CNTNAP2: variants seen among roughly 807,000 people sequenced by gnomAD.
CNTNAP2 encodes contactin associated protein 2, also known as contactin-associated protein-like 2.
A neutral mutation model predicts 155.2 loss-of-function variants in CNTNAP2; 98 were observed. The observed-to-expected ratio is 0.63, with a 90% CI of 0.54 to 0.75. CNTNAP2 has a LOEUF of 0.75. Among genes scored for constraint, CNTNAP2 ranks in the 30% least tolerant of loss-of-function variants. The probability of loss-of-function intolerance (pLI) is 0.00; values close to 1 mark genes in which losing one functional copy is unlikely to be tolerated. For missense variants in CNTNAP2, 1,727 were observed against 1,688.1 expected, an observed-to-expected ratio of 1.02 and a Z score of -0.40; for synonymous variants, 651 against 631.2, an observed-to-expected ratio of 1.03 and a Z score of -0.47.
At chr7:146,248,538 C>G (rs916336517) in intron 1 of CNTNAP2, among the ~76,000 whole-genome samples, 4 of 152,074 alleles carry the variant, frequency 2.6e-5, no homozygotes, top group African/African-American at 9.7e-5. Context: ...TCCTTTGTCT[C>G]TACCAGAAAA....
intron 13 of CNTNAP2, among the ~76,000 whole-genome samples, chr7:147,734,183 A>C (rs1351210939): frequency 2.0e-5 from 3 of 152,226 alleles, no homozygotes; most frequent in South Asian, 2.1e-4. Flanking sequence ...ATTTTGAGAT[A>C]CATCCCATCA....
At chr7:146,516,463 T>C (rs1797543047) in intron 1 of CNTNAP2, among the ~76,000 whole-genome samples, 1 of 152,012 alleles carries the variant, frequency 6.6e-6, no homozygotes, top group Non-Finnish European at 1.5e-5. Context: ...TTTCCTCATA[T>C]GGAAGTTGAA....
At chr7:147,301,590 C>G (rs868578004) in intron 9 of CNTNAP2, among the ~76,000 whole-genome samples, 2 of 111,632 alleles carry the variant, frequency 1.8e-5, no homozygotes, top group East Asian at 3.2e-4. Context: ...CTCTCTCTCT[C>G]TCTGTGTGTG....
chr7:146,241,823 TAC>T (rs927212603), intron 1 of CNTNAP2, among the ~76,000 whole-genome samples: 11 of 146,446 alleles, frequency 7.5e-5, no homozygotes, highest in African/African-American at 3.0e-4. Flanking sequence ...TATATACCTA[TAC>T]ACACACACAC....
chr7:147,212,377 T>C (rs1803168228), intron 8 of CNTNAP2, among the ~76,000 whole-genome samples: 2 of 152,124 alleles, frequency 1.3e-5, no homozygotes, highest in Non-Finnish European at 2.9e-5. Context: ...TAAAGTATGG[T>C]ACATGTACAC....
At chr7:146,925,824 A>G (rs1009039455) in intron 3 of CNTNAP2, among the ~76,000 whole-genome samples, 1 of 152,122 alleles carries the variant, frequency 6.6e-6, no homozygotes, top group African/African-American at 2.4e-5. Flanking sequence ...CTTTTGGTCA[A>G]AATCAGGGCA....
At chr7:147,020,561 G>A (rs1033035666) in intron 3 of CNTNAP2, among the ~76,000 whole-genome samples, 3 of 152,022 alleles carry the variant, frequency 2.0e-5, no homozygotes, top group African/African-American at 7.2e-5. Flanking sequence ...ATACCAGACT[G>A]CCACACTGTG....
intron 2 of CNTNAP2, among the ~76,000 whole-genome samples, chr7:146,826,738 A>G (rs1383213922): frequency 6.6e-6 from 1 of 151,934 alleles, no homozygotes; most frequent in African/African-American, 2.4e-5. Context: ...TTTTAATACA[A>G]TCCAAGGATT....
Position 147,861,999 on chromosome 7 carries a change from CAAAAAAA to C in CNTNAP2, c.2099-41548_2099-41542del, listed in dbSNP as rs57139075. Among the ~76,000 whole-genome samples the C allele has an allele frequency of 3.7e-3, 347 of 94,946 alleles. 1 individual carries two copies. Among genetic ancestry groups the C allele is most frequent in the South Asian group, 7.2e-3 (19 of 2,652 alleles). The allele number at this position is 94,946 out of a possible 152,430, so 62.3% of individuals were successfully genotyped here. A position where few individuals can be genotyped will look rare whatever the true frequency, so the allele number is the denominator to read the frequency against. On this transcript the variant is annotated intron_variant, in intron 13 of 23. Transcript: ENST00000361727. ...GGCAATAGAGTGAAACTCCATCTCA[CAAAAAAA>C]AAAAAAAAAAAAAAAAATTAAGACA... is the stretch of plus-strand genomic sequence containing the variant.
Position 146,550,401 on chromosome 7 carries a change from GTTTTTTTTTT to G in CNTNAP2, c.98-223851_98-223842del, listed in dbSNP as rs10673467. On this transcript the variant is annotated intron_variant, in intron 1 of 23. Transcript: ENST00000361727. ...TTATAGCAGTGAGGTCCATTAATCT[GTTTTTTTTTT>G]TTTTTTTTTTTTTTTTTTATAAAGT... 2.6e-4 allele frequency among the ~76,000 whole-genome samples: 14 copies of G among 54,382 alleles called. 1 individual carries two copies. Among genetic ancestry groups the G allele is most frequent in the African/African-American group, 5.0e-4 (7 of 14,076 alleles). The allele number at this position is 54,382 out of a possible 152,430, so 35.7% of individuals were successfully genotyped here.
intron 15 of CNTNAP2, among the ~76,000 whole-genome samples, chr7:148,109,939 T>G (rs1444757754): frequency 6.6e-6 from 1 of 152,198 alleles, no homozygotes; most frequent in Non-Finnish European, 1.5e-5. Flanking sequence ...TGCTAAATCA[T>G]GGAGGTTTGG....
At chr7:147,231,303 C>T (rs942156243) in intron 8 of CNTNAP2, among the ~76,000 whole-genome samples, 1 of 152,206 alleles carries the variant, frequency 6.6e-6, no homozygotes, top group African/African-American at 2.4e-5. Flanking sequence ...CTATTCAATA[C>T]AGCACATTTT....
intron 8 of CNTNAP2, among the ~76,000 whole-genome samples, chr7:147,239,546 C>T (rs1803894372): frequency 6.6e-6 from 1 of 151,124 alleles, no homozygotes; most frequent in Admixed American, 6.6e-5. Flanking sequence ...TATTGGTACG[C>T]ATTCATGACT....
intron 3 of CNTNAP2, among the ~76,000 whole-genome samples, chr7:146,885,669 A>G (rs1360936504): frequency 6.6e-6 from 1 of 152,102 alleles, no homozygotes; most frequent in African/African-American, 2.4e-5. Context: ...TCTTTTTGCA[A>G]GGAAAGCAAT....
chr7:147,958,074 A>T (rs1262433690), intron 14 of CNTNAP2, among the ~76,000 whole-genome samples: 1 of 152,158 alleles, frequency 6.6e-6, no homozygotes, highest in African/African-American at 2.4e-5. Flanking sequence ...GACTGTCTCA[A>T]ATAAATAAAC....
chr7:147,771,699 G>T (rs1191390062), intron 13 of CNTNAP2, among the ~76,000 whole-genome samples: 1 of 152,052 alleles, frequency 6.6e-6, no homozygotes, highest in African/African-American at 2.4e-5. Flanking sequence ...TGTGTTTTAG[G>T]CAGGATTTGA....
intron 3 of CNTNAP2, among the ~76,000 whole-genome samples, chr7:146,913,899 A>T (rs1046286881): frequency 1.3e-5 from 2 of 151,516 alleles, no homozygotes; most frequent in Non-Finnish European, 2.9e-5. Context: ...TTTATTCCTC[A>T]CCACCCTCCT....
At chr7:146,905,327 G>C (rs549672603) in intron 3 of CNTNAP2, among the ~76,000 whole-genome samples, 2 of 152,130 alleles carry the variant, frequency 1.3e-5, no homozygotes, top group African/African-American at 2.4e-5. Context: ...CTGAGACTCA[G>C]AGAACTGGGA....
At chr7:146,970,125 A>G (rs1218328378) in intron 3 of CNTNAP2, among the ~76,000 whole-genome samples, 2 of 152,218 alleles carry the variant, frequency 1.3e-5, no homozygotes, top group Non-Finnish European at 1.5e-5. Context: ...AAACCTAGAC[A>G]TTACCATTCA....
Sources: allele counts gnomAD v4.1 joint callset (sites outside exome capture counted in the v4.1 genomes callset), GRCh38; gene constraint gnomAD v4.1.1; transcripts MANE v1.5; gene names NCBI Gene and HGNC (gene_info 2026-07-23, HGNC 2026-07-21).